The following SND1 variants were observed in gnomAD, a reference collection of about 807,000 sequenced individuals.
SND1 encodes the protein staphylococcal nuclease domain-containing protein 1.
Under a neutral mutation model 121.7 loss-of-function variants are expected in SND1, and 38 were observed. The observed-to-expected ratio is 0.31, with a 90% confidence interval of 0.24 to 0.41. The LOEUF is 0.41. SND1 is among the 10% of genes least tolerant of loss of function. The probability of loss-of-function intolerance (pLI) is 1.00; values close to 1 mark genes in which losing one functional copy is unlikely to be tolerated. For missense variants in SND1, 868 were observed against 1,184.6 expected, an observed-to-expected ratio of 0.73 and a Z score of 3.92; for synonymous variants, 401 against 447.4, an observed-to-expected ratio of 0.90 and a Z score of 1.31.
At chr7:127,821,776 T>A (rs902488469) in intron 11 of SND1, among the ~76,000 whole-genome samples, 4 of 152,270 alleles carry the variant, frequency 2.6e-5, no homozygotes, top group East Asian at 3.9e-4. Context: ...TTTTAAAAAA[T>A]TTTTCTTCTA....
intron 16 of SND1, among the ~76,000 whole-genome samples, chr7:128,065,333 G>A (rs1793294892): frequency 6.6e-6 from 1 of 152,220 alleles, no homozygotes. Flanking sequence ...TCAGGTATAG[G>A]AGCCTGAGAA....
rs1479955630 is a variant in SND1 at position 127,652,283 on chromosome 7, T to C, written c.-91T>C. ...CCGCAGCTGGTAGCCAGCCTGCCCC[T>C]CGCCTCGACTCCCTTTCACCAACAC... is the stretch of plus-strand genomic sequence containing the variant. On this transcript the variant is annotated 5_prime_UTR_variant, in exon 1 of 24. Coordinates refer to ENST00000354725, the MANE Select transcript of SND1 (RefSeq NM_014390.4). 1.4e-5 allele frequency: 15 copies of C among 1,103,632 alleles called. No homozygotes were observed. In the East Asian group the frequency reaches 2.8e-4, roughly 21 times the overall value. 68.4% of individuals were successfully genotyped at this position (1,103,632 alleles called of 1,614,324 possible).
At chr7:127,933,585 A>T (rs906885787) in intron 15 of SND1, among the ~76,000 whole-genome samples, 22 of 152,214 alleles carry the variant, frequency 1.4e-4, no homozygotes, top group Non-Finnish European at 2.6e-4. Context: ...CACATCAATT[A>T]TAACTGGGAA....
chr7:127,714,082 G>C (rs560550918), intron 9 of SND1, among the ~76,000 whole-genome samples: 1 of 152,176 alleles, frequency 6.6e-6, no homozygotes, highest in East Asian at 1.9e-4. Context: ...ACATTGTTGT[G>C]GGGGGTGGGG....
intron 10 of SND1, among the ~76,000 whole-genome samples, chr7:127,747,833 C>T (rs3808092): frequency 0.33 from 50,473 of 152,084 alleles, 9,184 homozygotes; most frequent in Admixed American, 0.42. Flanking sequence ...TTTTCTCTCC[C>T]TCCTTTGCTT....
intron 16 of SND1, among the ~76,000 whole-genome samples, chr7:128,062,230 T>C (rs777583849): frequency 6.6e-6 from 1 of 152,234 alleles, no homozygotes; most frequent in Non-Finnish European, 1.5e-5. Context: ...CAGCATATGC[T>C]ATGCATCGCT....
intron 13 of SND1, among the ~76,000 whole-genome samples, chr7:127,889,796 T>C (rs1441545473): frequency 6.6e-6 from 1 of 152,130 alleles, no homozygotes; most frequent in East Asian, 1.9e-4. Flanking sequence ...TGTGCCTGGC[T>C]TATTTCACTT....
At chr7:127,719,623 T>C (rs1255893506) in intron 9 of SND1, among the ~76,000 whole-genome samples, 1 of 152,224 alleles carries the variant, frequency 6.6e-6, no homozygotes, top group Non-Finnish European at 1.5e-5. Flanking sequence ...TTATGGTTAT[T>C]TGAAGTTGTC....
intron 10 of SND1, among the ~76,000 whole-genome samples, chr7:127,749,069 G>C (rs1360679005): frequency 7.4e-5 from 9 of 121,406 alleles, no homozygotes; most frequent in African/African-American, 2.5e-4. Flanking sequence ...TTTTGAGACA[G>C]GGTCTCACTC....
At chr7:127,997,794 A>G in intron 16 of SND1, 1 of 534,652 alleles carries the variant, frequency 1.9e-6, no homozygotes, top group Admixed American at 1.9e-5. Flanking sequence ...TGTTTCTCCC[A>G]TCTCTCAGGT....
At chr7:127,983,419 C>G (rs1215799381) in intron 15 of SND1, among the ~76,000 whole-genome samples, 2 of 152,088 alleles carry the variant, frequency 1.3e-5, no homozygotes, top group Non-Finnish European at 2.9e-5. Flanking sequence ...ATCTGGAAAA[C>G]TTTTACAGCA....
At chr7:127,884,118 A>G (rs1201993728) in intron 12 of SND1, among the ~76,000 whole-genome samples, 1 of 151,960 alleles carries the variant, frequency 6.6e-6, no homozygotes. Context: ...ATTGTTCCCA[A>G]TTTGGCCAGT....
At chr7:127,950,804 C>T (rs777847299) in intron 15 of SND1, among the ~76,000 whole-genome samples, 4 of 152,148 alleles carry the variant, frequency 2.6e-5, no homozygotes, top group Non-Finnish European at 4.4e-5. Flanking sequence ...AAAAAAGATT[C>T]TGGACTGCAT....
chr7:127,864,756 C>G (rs931024677), intron 12 of SND1, among the ~76,000 whole-genome samples: 1 of 152,152 alleles, frequency 6.6e-6, no homozygotes, highest in Non-Finnish European at 1.5e-5. Flanking sequence ...GACAGTTTTT[C>G]TTTATTTTCA....
chr7:127,857,786 C>CT, intron 12 of SND1: 1 of 702,624 alleles, frequency 1.4e-6, no homozygotes, highest in South Asian at 1.6e-5. Context: ...GCCTGAGACA[C>CT]TTGGACCTCC....
At chr7:127,885,780 C>T (rs1799893624) in intron 12 of SND1, among the ~76,000 whole-genome samples, 1 of 152,026 alleles carries the variant, frequency 6.6e-6, no homozygotes, top group Non-Finnish European at 1.5e-5. Flanking sequence ...TCCTCCAAAC[C>T]CCATGTATTT....
chr7:127,763,853 G>A (rs1228377371), intron 10 of SND1, among the ~76,000 whole-genome samples: 1 of 151,894 alleles, frequency 6.6e-6, no homozygotes, highest in Admixed American at 6.6e-5. Context: ...CAGTATTTGG[G>A]GAGACTGAGG....
intron 1 of SND1, among the ~76,000 whole-genome samples, chr7:127,662,995 A>G (rs888485892): frequency 6.7e-6 from 1 of 149,160 alleles, no homozygotes; most frequent in African/African-American, 2.5e-5. Context: ...GGCTCAGGTG[A>G]TCCTCCCACC....
At chr7:128,024,117 C>G (rs889395266) in intron 16 of SND1, among the ~76,000 whole-genome samples, 1 of 151,576 alleles carries the variant, frequency 6.6e-6, no homozygotes, top group Non-Finnish European at 1.5e-5. Flanking sequence ...GCCCTTATCA[C>G]TGCTCCAAGA....
Sources: gnomAD v4.1 joint callset for allele counts (sites outside exome capture counted in the v4.1 genomes callset) on GRCh38, gnomAD v4.1.1 for gene constraint, MANE v1.5 for transcripts, NCBI Gene and HGNC (gene_info 2026-07-23, HGNC 2026-07-21) for gene names.